Variants in RPA1 observed in about 807,000 individuals in gnomAD.
RPA1 encodes the protein replication protein A 70 kDa DNA-binding subunit.
A neutral mutation model predicts 83.0 loss-of-function variants in RPA1; 49 were observed. That is an observed-to-expected ratio of 0.59 (90% confidence interval 0.47 to 0.75). The LOEUF (loss-of-function observed/expected upper bound fraction) is 0.75. RPA1 is among the 30% of genes least tolerant of loss of function. The probability of loss-of-function intolerance (pLI) is 0.00; values close to 1 mark genes in which losing one functional copy is unlikely to be tolerated. For missense variants in RPA1, 693 were observed against 776.1 expected, an observed-to-expected ratio of 0.89 and a Z score of 1.27; for synonymous variants, 279 against 281.8, an observed-to-expected ratio of 0.99 and a Z score of 0.10.
chr17:1,859,722 T>C (rs1284886953), intron 5 of RPA1, among the ~76,000 whole-genome samples: 2 of 151,986 alleles, frequency 1.3e-5, no homozygotes, highest in African/African-American at 2.4e-5. Flanking sequence ...CCTCAACACC[T>C]TGGGCTCAAG....
intron 5 of RPA1, among the ~76,000 whole-genome samples, chr17:1,869,343 C>T (rs1357215788): frequency 6.6e-6 from 1 of 152,124 alleles, no homozygotes; most frequent in Non-Finnish European, 1.5e-5. Flanking sequence ...TTGAGACCAG[C>T]CTGGCCAACA....
At chr17:1,851,197 C>T (rs756136057) in intron 4 of RPA1, among the ~76,000 whole-genome samples, 1 of 152,156 alleles carries the variant, frequency 6.6e-6, no homozygotes, top group African/African-American at 2.4e-5. Context: ...AAGACACTAT[C>T]CCATTTCACA....
intron 4 of RPA1, among the ~76,000 whole-genome samples, chr17:1,846,471 C>G (rs923303904): frequency 6.6e-6 from 1 of 151,940 alleles, no homozygotes; most frequent in Non-Finnish European, 1.5e-5. Flanking sequence ...GCGCCCACCA[C>G]CACGCCTGGC....
chr17:1,895,177 A>T (rs1462062817), intron 16 of RPA1, 82 bp downstream of exon 16: 2 of 1,123,156 alleles, frequency 1.8e-6, no homozygotes, highest in East Asian at 2.5e-5. Flanking sequence ...ACTCCCTGGC[A>T]GGGAGTTACT....
At chr17:1,873,344 T>C (rs1250259862) in intron 6 of RPA1, among the ~76,000 whole-genome samples, 2 of 152,202 alleles carry the variant, frequency 1.3e-5, no homozygotes, top group Non-Finnish European at 2.9e-5. Flanking sequence ...TTTGTTTACT[T>C]TCTGGCCTTT....
rs371317901 is a variant in RPA1, at chr17:1,841,615, T to G, written c.34-1188T>G. Among the ~76,000 whole-genome samples, 107 of 152,316 alleles carry G rather than the reference T, an allele frequency of 7.0e-4. 1 individual carries two copies. The South Asian group carries it at 0.021, about 30-fold the overall frequency. On this transcript the variant is annotated intron_variant, in intron 1 of 16. Coordinates refer to ENST00000254719, the MANE Select transcript of RPA1 (RefSeq NM_002945.5). ...GCCCAGCCAGTTCCTTTTTAATCTTTATGACTTTTTTTCCCTTGCCCTATT... is the reference window on the plus strand; with the variant it reads ...GCCCAGCCAGTTCCTTTTTAATCTTGATGACTTTTTTTCCCTTGCCCTATT...
intron 6 of RPA1, 74 bp from the exon 7 acceptor site, chr17:1,875,587 T>TTA: frequency 6.7e-7 from 1 of 1,497,354 alleles, no homozygotes; most frequent in East Asian, 2.3e-5. Flanking sequence ...AAATTTAGAG[T>TTA]TATTGTAAAG....
At chr17:1,850,883 C>G (rs187218286) in intron 4 of RPA1, among the ~76,000 whole-genome samples, 1 of 148,834 alleles carries the variant, frequency 6.7e-6, no homozygotes, top group African/African-American at 2.6e-5. Flanking sequence ...CAGAGTGAGA[C>G]TCTCTCTCTC....
chr17:1,841,823 CTT>C (rs1339565938), intron 1 of RPA1, among the ~76,000 whole-genome samples: 4 of 152,096 alleles, frequency 2.6e-5, no homozygotes, highest in Admixed American at 1.3e-4. Flanking sequence ...TTTGCTGAGA[CTT>C]TATAATGAGT....
intron 5 of RPA1, among the ~76,000 whole-genome samples, chr17:1,855,024 T>A (rs1912637810): frequency 6.6e-6 from 1 of 152,212 alleles, no homozygotes; most frequent in Non-Finnish European, 1.5e-5. Context: ...TTATCAGAAG[T>A]AAAGAAGTTT....
intron 5 of RPA1, among the ~76,000 whole-genome samples, chr17:1,870,622 C>T (rs913914574): frequency 1.3e-5 from 2 of 152,222 alleles, no homozygotes; most frequent in Non-Finnish European, 2.9e-5. Flanking sequence ...AAACACTACT[C>T]CATTCCCCAC....
At chr17:1,886,861 A>G (rs968678818) in intron 13 of RPA1, among the ~76,000 whole-genome samples, 4 of 151,974 alleles carry the variant, frequency 2.6e-5, no homozygotes, top group South Asian at 4.2e-4. Flanking sequence ...AGGTCTCACT[A>G]TGTTGCCTGG....
At chr17:1,868,469 A>G (rs9914601) in intron 5 of RPA1, among the ~76,000 whole-genome samples, 9,374 of 152,126 alleles carry the variant, frequency 0.062, 950 homozygotes, top group African/African-American at 0.21. Context: ...GAATTCCAAA[A>G]TGTGCGTTGA....
rs1914080587 is a variant in RPA1, at chr17:1,888,578, T to G, written c.1375-97T>G. 4.2e-6 allele frequency: 5 copies of G among 1,200,380 alleles called. No individual in the cohort carries two copies. In the East Asian group the frequency reaches 1.2e-4, roughly 29 times the overall value. 74.4% of individuals were successfully genotyped at this position (1,200,380 alleles called of 1,614,324 possible). A position where few individuals can be genotyped will look rare whatever the true frequency, so the allele number is the denominator to read the frequency against. ...GTAATCTTGAGGATGTAGAAACACTTACCACCTAAACGTAAGGGCAGGCTT... is the reference window on the plus strand; with the variant it reads ...GTAATCTTGAGGATGTAGAAACACTGACCACCTAAACGTAAGGGCAGGCTT... On this transcript the variant is annotated intron_variant, in intron 13 of 16. Coordinates refer to ENST00000254719, the MANE Select transcript of RPA1 (RefSeq NM_002945.5).
At chr17:1,839,615 C>T (rs1376319213) in intron 1 of RPA1, among the ~76,000 whole-genome samples, 1 of 150,818 alleles carries the variant, frequency 6.6e-6, no homozygotes, top group African/African-American at 2.4e-5. Context: ...CGTGAGCCAC[C>T]GTGCCTGGCC....
intron 5 of RPA1, among the ~76,000 whole-genome samples, chr17:1,854,979 T>G (rs1597432280): frequency 6.6e-6 from 1 of 152,194 alleles, no homozygotes; most frequent in East Asian, 1.9e-4. Flanking sequence ...CACCATTAAA[T>G]GTCATGTTAA....
At chr17:1,881,010 G>T (rs927701871) in intron 12 of RPA1, among the ~76,000 whole-genome samples, 9 of 152,200 alleles carry the variant, frequency 5.9e-5, no homozygotes, top group Non-Finnish European at 8.8e-5. Flanking sequence ...TTCTTTCCAG[G>T]GTTTAGGCTC....
intron 12 of RPA1, among the ~76,000 whole-genome samples, chr17:1,881,035 G>T (rs756057796): frequency 5.3e-5 from 8 of 152,208 alleles, no homozygotes; most frequent in Admixed American, 5.2e-4. Context: ...CCTCTGTGGC[G>T]TGGGGGAACA....
chr17:1,854,697 C>T (rs1044358754), intron 5 of RPA1, among the ~76,000 whole-genome samples: 5 of 152,044 alleles, frequency 3.3e-5, no homozygotes, highest in Non-Finnish European at 7.4e-5. Flanking sequence ...AGCAAGTGTC[C>T]GCTATTCCCC....
Sources: allele counts gnomAD v4.1 joint callset (sites outside exome capture counted in the v4.1 genomes callset), GRCh38; gene constraint gnomAD v4.1.1; transcripts MANE v1.5; gene names NCBI Gene and HGNC (gene_info 2026-07-23, HGNC 2026-07-21).